The following SPATA13 variants were observed in gnomAD, a reference collection of about 807,000 sequenced individuals.
The protein encoded by SPATA13 is spermatogenesis-associated protein 13.
Under a neutral mutation model 104.0 loss-of-function variants are expected in SPATA13, and 50 were observed. The ratio of observed to expected loss-of-function variants is 0.48; its 90% CI spans 0.38 to 0.61. The LOEUF (loss-of-function observed/expected upper bound fraction) is 0.61, where lower values mean the gene tolerates loss of function less well. Ranked by LOEUF, SPATA13 falls within the 20% of genes least tolerant of loss-of-function variation. The pLI, the probability that SPATA13 is intolerant of heterozygous loss-of-function variation, is 0.00. For missense variants in SPATA13, 1,524 were observed against 1,690.6 expected (o/e 0.90, Z 1.73); for synonymous variants, 606 against 667.5 (o/e 0.91, Z 1.42).
At chr13:24,187,760 C>G (rs9511116) in intron 1 of SPATA13, among the ~76,000 whole-genome samples, 112,113 of 152,150 alleles carry the variant, frequency 0.74, 45,811 homozygotes, top group Non-Finnish European at 0.91. Flanking sequence ...TATGTTTTGA[C>G]TGCTTCACTG....
intron 1 of SPATA13, among the ~76,000 whole-genome samples, chr13:24,191,191 G>T (rs1291610164): frequency 6.6e-6 from 1 of 152,012 alleles, no homozygotes; most frequent in Non-Finnish European, 1.5e-5. Context: ...GCCTAGGCTG[G>T]TCTCGATCAC....
chr13:24,285,275 C>G (rs1168916887), intron 5 of SPATA13, among the ~76,000 whole-genome samples: 4 of 152,082 alleles, frequency 2.6e-5, no homozygotes, highest in Non-Finnish European at 5.9e-5. Context: ...AAGTTAGATG[C>G]AAAACTTACT....
Position 24,224,462 on chromosome 13 carries a change from A to G in SPATA13, c.1533A>G (p.Arg511=). The G allele has an allele frequency of 6.4e-7, 1 of 1,551,538 alleles. No individual in the cohort carries two copies. Among genetic ancestry groups the G allele is most frequent in the Non-Finnish European group, 8.7e-7 (1 of 1,147,002 alleles). ...GAAGGGCAGAAGAGCCTGCTCAGAG[A>G]GAGCCAGGGCCTGTGTCCTTGCAGG... ...SEGRAEEPAQ[R]EPGPVSLQDP... Residue 511 remains arginine (R), a synonymous_variant, in exon 2 of 13, where the codon AGA becomes AGG. Coordinates refer to ENST00000382108, the MANE Select transcript of SPATA13 (RefSeq NM_001166271.3).
At chr13:24,241,266 G>A (rs1872817971) in intron 2 of SPATA13, among the ~76,000 whole-genome samples, 1 of 152,198 alleles carries the variant, frequency 6.6e-6, no homozygotes, top group Non-Finnish European at 1.5e-5. Context: ...CCAGTATTGT[G>A]CCTGGTCTGT....
intron 2 of SPATA13, among the ~76,000 whole-genome samples, chr13:24,238,611 A>G (rs1480573899): frequency 1.3e-5 from 2 of 152,192 alleles, no homozygotes; most frequent in African/African-American, 4.8e-5. Context: ...CTCCAGGGCC[A>G]GAGCGGTGCC....
chr13:24,042,988 G>T (rs1877988921), intron 3 of SPATA13, among the ~76,000 whole-genome samples: 1 of 152,232 alleles, frequency 6.6e-6, no homozygotes, highest in Non-Finnish European at 1.5e-5. Flanking sequence ...GGTTGAGAAT[G>T]AACCCTTTCG....
intron 3 of SPATA13, among the ~76,000 whole-genome samples, chr13:24,138,287 C>G (rs889297926): frequency 7.0e-6 from 1 of 143,664 alleles, no homozygotes; most frequent in African/African-American, 2.6e-5. Context: ...GCCCAGGGGA[C>G]AGAGCAAGAC....
At chr13:24,273,443 A>C (rs1190253684) in intron 4 of SPATA13, among the ~76,000 whole-genome samples, 2 of 152,246 alleles carry the variant, frequency 1.3e-5, no homozygotes, top group Non-Finnish European at 2.9e-5. Flanking sequence ...ATTGTTGTCC[A>C]CATGTTTAAA....
At chr13:24,099,245 T>C (rs936884046) in intron 3 of SPATA13, among the ~76,000 whole-genome samples, 1 of 152,322 alleles carries the variant, frequency 6.6e-6, no homozygotes, top group African/African-American at 2.4e-5. Context: ...GTACAACAAA[T>C]GAGGATGAGC....
chr13:24,202,205 C>T (rs557467907), intron 1 of SPATA13, among the ~76,000 whole-genome samples: 1 of 151,842 alleles, frequency 6.6e-6, no homozygotes, highest in Non-Finnish European at 1.5e-5. Context: ...GATATATTAC[C>T]TTGTTGTGTG....
At chr13:24,019,817 A>C (rs1876894866) in intron 3 of SPATA13, among the ~76,000 whole-genome samples, 1 of 152,156 alleles carries the variant, frequency 6.6e-6, no homozygotes, top group Non-Finnish European at 1.5e-5. Flanking sequence ...TGTTTAGGAA[A>C]AGCTTCTATT....
At chr13:24,189,913 AAT>A (rs1410368969) in intron 1 of SPATA13, among the ~76,000 whole-genome samples, 3 of 92,380 alleles carry the variant, frequency 3.2e-5, no homozygotes, top group African/African-American at 1.3e-4. Context: ...TATATTACAT[AAT>A]ATATATTATA....
intron 3 of SPATA13, among the ~76,000 whole-genome samples, chr13:24,075,488 G>A (rs1879294958): frequency 6.6e-6 from 1 of 152,110 alleles, no homozygotes; most frequent in South Asian, 2.1e-4. Flanking sequence ...ATAAACTCAA[G>A]ACTTAATTAG....
chr13:24,022,051 CT>C (rs780493002), intron 3 of SPATA13, among the ~76,000 whole-genome samples: 2,133 of 130,698 alleles, frequency 0.016, 45 homozygotes, highest in African/African-American at 0.052. Flanking sequence ...TCTTTTCTTT[CT>C]TTTTTTTTTT....
In SPATA13 at chr13:24,306,239, A is replaced by T. The variant is rs144361587; in HGVS notation, c.*3466A>T. ...GTTCACAATATAAGTATTTTGTAAAAGCCAGCTGAACCAGCATTTTATCAG... is the reference window on the plus strand; with the variant it reads ...GTTCACAATATAAGTATTTTGTAAATGCCAGCTGAACCAGCATTTTATCAG... On this transcript the variant is annotated 3_prime_UTR_variant, in exon 13 of 13. Transcript: ENST00000382108. 3.3e-5 allele frequency: 5 copies of T among 152,370 alleles called. No individual in the cohort carries two copies. The East Asian group carries it at 9.6e-4, about 29-fold the overall frequency. The allele number at this position is 152,370 out of a possible 1,614,324, so 9.4% of individuals were successfully genotyped here. A position where few individuals can be genotyped will look rare whatever the true frequency, so the allele number is the denominator to read the frequency against.
intron 9 of SPATA13, among the ~76,000 whole-genome samples, chr13:24,293,543 A>C (rs1423938902): frequency 6.6e-6 from 1 of 152,212 alleles, no homozygotes; most frequent in Admixed American, 6.5e-5. Flanking sequence ...GTTTTTTCAA[A>C]ATAAAAATTA....
At chr13:24,118,894 C>T (rs920411460) in intron 3 of SPATA13, among the ~76,000 whole-genome samples, 6 of 111,314 alleles carry the variant, frequency 5.4e-5, no homozygotes, top group Non-Finnish European at 9.8e-5. Context: ...GTAGACGCTA[C>T]ATTTTTCTTT....
intron 3 of SPATA13, among the ~76,000 whole-genome samples, chr13:24,069,112 T>A (rs9551050): frequency 0.14 from 21,899 of 152,208 alleles, 1,936 homozygotes; most frequent in East Asian, 0.31. Context: ...TGGGCTCTTT[T>A]TTGATTTCAT....
At chr13:24,131,378 G>A (rs1881385381) in intron 3 of SPATA13, among the ~76,000 whole-genome samples, 1 of 152,084 alleles carries the variant, frequency 6.6e-6, no homozygotes, top group African/African-American at 2.4e-5. Flanking sequence ...CTTCTCACAG[G>A]GCTGACTCAC....
Sources: allele counts gnomAD v4.1 joint callset (sites outside exome capture counted in the v4.1 genomes callset), GRCh38; gene constraint gnomAD v4.1.1; transcripts MANE v1.5; gene names NCBI Gene and HGNC (gene_info 2026-07-23, HGNC 2026-07-21).